Variants in SHC3 observed in about 807,000 individuals in gnomAD.
The protein encoded by SHC3 is SHC-transforming protein 3.
In SHC3, 15 loss-of-function variants were observed where a neutral mutation model predicts 60.4. That is an observed-to-expected ratio of 0.25 (90% CI 0.17 to 0.38). The LOEUF (loss-of-function observed/expected upper bound fraction) is 0.38, where lower values mean the gene tolerates loss of function less well. SHC3 is among the 10% of genes least tolerant of loss of function. The pLI is 1.00. For missense variants in SHC3, 677 were observed against 786.1 expected (o/e 0.86, Z 1.66); for synonymous variants, 294 against 325.9 (o/e 0.90, Z 1.05).
intron 9 of SHC3, among the ~76,000 whole-genome samples, chr9:89,043,661 T>TA (rs1564095816): frequency 8.6e-5 from 13 of 151,908 alleles, no homozygotes; most frequent in African/African-American, 2.9e-4. Flanking sequence ...TATTTTTTTT[T>TA]TTTTTTTTGA....
At chr9:89,083,038 G>A (rs1364296582) in intron 2 of SHC3, among the ~76,000 whole-genome samples, 3 of 152,114 alleles carry the variant, frequency 2.0e-5, no homozygotes, top group Non-Finnish European at 4.4e-5. Flanking sequence ...AAACAGCACC[G>A]TGGTCCACCC....
At chr9:89,136,091 T>G (rs1226448005) in intron 1 of SHC3, among the ~76,000 whole-genome samples, 1 of 151,898 alleles carries the variant, frequency 6.6e-6, no homozygotes, top group Non-Finnish European at 1.5e-5. Context: ...ACTGAGCTCC[T>G]CTCTACCCTG....
intron 11 of SHC3, among the ~76,000 whole-genome samples, chr9:89,027,945 T>C (rs1023383170): frequency 6.6e-6 from 1 of 152,194 alleles, no homozygotes; most frequent in African/African-American, 2.4e-5. Flanking sequence ...CTCCCGCTGC[T>C]CCCAACTCCT....
At chr9:89,129,996 C>T (rs1394797007) in intron 1 of SHC3, among the ~76,000 whole-genome samples, 2 of 152,162 alleles carry the variant, frequency 1.3e-5, no homozygotes, top group African/African-American at 4.8e-5. Flanking sequence ...CATCAGTGTG[C>T]TGTATTCAGG....
intron 2 of SHC3, among the ~76,000 whole-genome samples, chr9:89,090,552 C>A (rs763278878): frequency 2.7e-4 from 41 of 152,272 alleles, no homozygotes; most frequent in Middle Eastern, 3.4e-3. Flanking sequence ...TGGGAGGCTT[C>A]CCCCAGGAGG....
At chr9:89,074,369 CT>C (rs1307435304) in intron 4 of SHC3, among the ~76,000 whole-genome samples, 2 of 152,168 alleles carry the variant, frequency 1.3e-5, no homozygotes, top group Non-Finnish European at 2.9e-5. Flanking sequence ...CCACACCCCC[CT>C]GGATACTGCT....
chr9:89,166,932 C>A (rs1826797860), intron 1 of SHC3, among the ~76,000 whole-genome samples: 1 of 152,192 alleles, frequency 6.6e-6, no homozygotes, highest in African/African-American at 2.4e-5. Flanking sequence ...GAGGTTGAAT[C>A]CACTGTACTG....
chr9:89,101,621 T>A (rs60815652), intron 2 of SHC3, among the ~76,000 whole-genome samples: 3,627 of 151,422 alleles, frequency 0.024, 139 homozygotes, highest in African/African-American at 0.08. Flanking sequence ...ATATATATAT[T>A]TTTTTTAATT....
intron 6 of SHC3, among the ~76,000 whole-genome samples, chr9:89,058,480 T>C (rs1191959959): frequency 7.6e-6 from 1 of 130,966 alleles, no homozygotes; most frequent in Non-Finnish European, 1.6e-5. Context: ...AGGATGATGA[T>C]GGAGGACAGT....
chr9:89,146,119 AG>A (rs1826464524), intron 1 of SHC3, among the ~76,000 whole-genome samples: 1 of 152,112 alleles, frequency 6.6e-6, no homozygotes, highest in Non-Finnish European at 1.5e-5. Context: ...TGACCTTGGG[AG>A]GCTGAGGCGA....
intron 11 of SHC3, among the ~76,000 whole-genome samples, chr9:89,020,650 C>T (rs1826185427): frequency 6.6e-6 from 1 of 152,156 alleles, no homozygotes; most frequent in African/African-American, 2.4e-5. Context: ...ACAAAACCGC[C>T]CTCATGTGCA....
rs1040752274 is a variant in SHC3, at chr9:89,061,076, C to T, written c.835+4453G>A. Among the ~76,000 whole-genome samples, 4 of 152,148 alleles carry T rather than the reference C, an allele frequency of 2.6e-5. No individual in the cohort carries two copies. The East Asian group carries it at 5.8e-4, about 22-fold the overall frequency. On this transcript the variant is annotated intron_variant, in intron 6 of 11. Transcript: ENST00000375835. ...ATATGTTCAGCATTCTCAGCCCAGG[C>T]ATGGTACGTAAAGCACAGAGCCTGG...
intron 1 of SHC3, among the ~76,000 whole-genome samples, chr9:89,119,232 A>C (rs1826058124): frequency 6.6e-6 from 1 of 152,200 alleles, no homozygotes; most frequent in Non-Finnish European, 1.5e-5. Flanking sequence ...AACAAAAGAA[A>C]GAAACAAAAA....
intron 7 of SHC3, among the ~76,000 whole-genome samples, chr9:89,047,211 T>C (rs1051993543): frequency 2.6e-5 from 4 of 152,252 alleles, no homozygotes; most frequent in South Asian, 2.1e-4. Flanking sequence ...TCAATCATGT[T>C]TGAAGGATGT....
At chr9:89,119,159 T>A (rs117226277) in intron 1 of SHC3, among the ~76,000 whole-genome samples, 2,033 of 152,100 alleles carry the variant, frequency 0.013, 20 homozygotes, top group South Asian at 0.034. Flanking sequence ...TATATATGTG[T>A]GTAAAAAATT....
chr9:89,032,952 T>C (rs879784120), intron 11 of SHC3, among the ~76,000 whole-genome samples: 6 of 152,176 alleles, frequency 3.9e-5, no homozygotes, highest in Non-Finnish European at 8.8e-5. Flanking sequence ...ATTTCCATTT[T>C]CTTTTTCAGC....
chr9:89,082,855 C>T (rs369116488), intron 2 of SHC3, among the ~76,000 whole-genome samples: 8 of 152,306 alleles, frequency 5.3e-5, no homozygotes, highest in African/African-American at 1.9e-4. Flanking sequence ...GGCGGCTCAC[C>T]CACCTTCCCC....
At chr9:89,018,789 C>T (rs1826146584) in intron 11 of SHC3, among the ~76,000 whole-genome samples, 1 of 149,474 alleles carries the variant, frequency 6.7e-6, no homozygotes, top group Non-Finnish European at 1.5e-5. Flanking sequence ...GGCATGGTGG[C>T]TCATACCTGT....
intron 11 of SHC3, among the ~76,000 whole-genome samples, chr9:89,014,307 C>T (rs1054802149): frequency 6.6e-6 from 1 of 152,198 alleles, no homozygotes; most frequent in Non-Finnish European, 1.5e-5. Flanking sequence ...TGGGGTCCAT[C>T]AGCCGCCTCC....
Sources: allele counts gnomAD v4.1 joint callset (sites outside exome capture counted in the v4.1 genomes callset), GRCh38; gene constraint gnomAD v4.1.1; transcripts MANE v1.5; gene names NCBI Gene and HGNC (gene_info 2026-07-23, HGNC 2026-07-21).